Variants in KCND3 observed in about 807,000 individuals in gnomAD.
KCND3 encodes the protein A-type voltage-gated potassium channel KCND3.
Under a neutral mutation model 51.1 loss-of-function variants are expected in KCND3, and 9 were observed. The observed-to-expected ratio is 0.18, with a 90% CI of 0.11 to 0.31. KCND3 has a LOEUF of 0.31. Ranked by LOEUF, KCND3 falls within the 10% of genes least tolerant of loss-of-function variation. KCND3 has a pLI of 1.00. For synonymous variants in KCND3, 349 were observed against 368.0 expected (o/e 0.95, Z 0.59); for missense variants, 526 against 903.8 (o/e 0.58, Z 5.36).
chr1:111,820,336 C>T (rs1362970589), intron 2 of KCND3, among the ~76,000 whole-genome samples: 2 of 152,208 alleles, frequency 1.3e-5, no homozygotes, highest in Non-Finnish European at 2.9e-5. Flanking sequence ...TAATCTTATT[C>T]CTTACAATCT....
intron 2 of KCND3, among the ~76,000 whole-genome samples, chr1:111,908,319 AT>A: frequency 6.6e-6 from 1 of 152,340 alleles, no homozygotes; most frequent in African/African-American, 2.4e-5. Context: ...GAGAGGCAAA[AT>A]AACTTGCTTC....
chr1:111,865,785 G>C (rs1668533412), intron 2 of KCND3, among the ~76,000 whole-genome samples: 2 of 152,168 alleles, frequency 1.3e-5, no homozygotes, highest in African/African-American at 4.8e-5. Flanking sequence ...GCTCCCTGCA[G>C]CCTCTACGTC....
At chr1:111,967,780 A>G (rs1674089919) in intron 2 of KCND3, among the ~76,000 whole-genome samples, 2 of 152,206 alleles carry the variant, frequency 1.3e-5, no homozygotes, top group South Asian at 2.1e-4. Context: ...TGGCTAGTAG[A>G]TGAGAATTCA....
At chr1:111,947,026 T>C (rs1278535737) in intron 2 of KCND3, among the ~76,000 whole-genome samples, 1 of 152,216 alleles carries the variant, frequency 6.6e-6, no homozygotes, top group African/African-American at 2.4e-5. Flanking sequence ...AGTGAGTCTC[T>C]TGTAGGCTGC....
chr1:111,891,981 TGTG>T lies in KCND3; in HGVS notation c.1106+89637_1106+89639del. On this transcript the variant is annotated intron_variant, in intron 2 of 7. Transcript: ENST00000302127. The stretch of plus-strand genomic sequence containing the variant: ...GTGCGTGTGTGTCTGTGTGTGTGTC[TGTG>T]TGTGTGTGTGTGTGTGTTGGAGGAG... Among the ~76,000 whole-genome samples, 5 of 31,584 alleles carry T rather than the reference TGTG, an allele frequency of 1.6e-4. No individual in the cohort carries two copies. In the East Asian group the frequency reaches 0.13, roughly 842 times the overall value. The allele number at this position is 31,584 out of a possible 152,430, so 20.7% of individuals were successfully genotyped here. A position where few individuals can be genotyped will look rare whatever the true frequency, so the allele number is the denominator to read the frequency against.
chr1:111,945,481 C>T (rs1210421398), intron 2 of KCND3, among the ~76,000 whole-genome samples: 2 of 152,196 alleles, frequency 1.3e-5, no homozygotes, highest in Non-Finnish European at 2.9e-5. Context: ...TTAACCCTCA[C>T]AACAATCCCA....
intron 2 of KCND3, among the ~76,000 whole-genome samples, chr1:111,816,363 G>A (rs1160669863): frequency 6.6e-6 from 1 of 152,248 alleles, no homozygotes; most frequent in Non-Finnish European, 1.5e-5. Flanking sequence ...GGAGTGAACT[G>A]ACTCAGACTC....
intron 2 of KCND3, among the ~76,000 whole-genome samples, chr1:111,930,860 T>C (rs551963326): frequency 4.8e-4 from 73 of 152,188 alleles, no homozygotes; most frequent in Non-Finnish European, 9.1e-4. Flanking sequence ...GGGAGGCCAC[T>C]GGAGGGCACA....
chr1:111,942,734 G>A (rs984402836), intron 2 of KCND3, among the ~76,000 whole-genome samples: 1 of 152,184 alleles, frequency 6.6e-6, no homozygotes, highest in Non-Finnish European at 1.5e-5. Context: ...GGTGAGATGT[G>A]TTAGGGAGAA....
chr1:111,845,842 T>C (rs1230149344), intron 2 of KCND3, among the ~76,000 whole-genome samples: 3 of 152,206 alleles, frequency 2.0e-5, no homozygotes, highest in Non-Finnish European at 2.9e-5. Context: ...TCTTACCCAC[T>C]AACCCCACTG....
intron 2 of KCND3, among the ~76,000 whole-genome samples, chr1:111,836,198 C>T (rs1481222735): frequency 1.3e-5 from 2 of 152,190 alleles, no homozygotes; most frequent in East Asian, 1.9e-4. Context: ...AACATGAATC[C>T]TGAAGAACCA....
chr1:111,868,532 T>C (rs1668685289), intron 2 of KCND3, among the ~76,000 whole-genome samples: 1 of 152,194 alleles, frequency 6.6e-6, no homozygotes, highest in Non-Finnish European at 1.5e-5. Context: ...CTGGGGGTCT[T>C]GGAATGTATC....
chr1:111,778,096 A>G (rs1375119359), intron 6 of KCND3, among the ~76,000 whole-genome samples: 2 of 152,242 alleles, frequency 1.3e-5, no homozygotes, highest in Non-Finnish European at 2.9e-5. Context: ...GGGAAAGACC[A>G]GCCTGGCGGC....
intron 2 of KCND3, among the ~76,000 whole-genome samples, chr1:111,876,757 A>AG (rs1373381445): frequency 6.6e-6 from 1 of 152,200 alleles, no homozygotes; most frequent in African/African-American, 2.4e-5. Context: ...AGGCAAGAAG[A>AG]GGGGGGAAGA....
In KCND3 at chr1:111,787,209, A is replaced by G. The variant is rs1045665082; in HGVS notation, c.1107-103T>C. 6 of 1,239,784 alleles carry G rather than the reference A, an allele frequency of 4.8e-6. No individual in the cohort carries two copies. The African/African-American group carries it at 7.4e-5, about 15-fold the overall frequency. 76.8% of individuals were successfully genotyped at this position (1,239,784 alleles called of 1,614,324 possible). A position where few individuals can be genotyped will look rare whatever the true frequency, so the allele number is the denominator to read the frequency against. On this transcript the variant is annotated intron_variant, in intron 2 of 7. Transcript: ENST00000302127. Reference sequence around the variant, plus strand: ...CACCTGTTTATTCATTCATTCATTCAGCAATTGCTTAGAGTATCTACTATG... The same window carrying G: ...CACCTGTTTATTCATTCATTCATTCGGCAATTGCTTAGAGTATCTACTATG...
intron 2 of KCND3, among the ~76,000 whole-genome samples, chr1:111,935,311 G>A (rs190261114): frequency 6.6e-6 from 1 of 152,114 alleles, no homozygotes; most frequent in Non-Finnish European, 1.5e-5. Flanking sequence ...TTGATGGCAG[G>A]GAGCTTTCTG....
At position 111,775,829 on chromosome 1, in the gene KCND3, CCT is replaced by C; in HGVS notation, c.*246_*247del. 6.8e-6 allele frequency: 1 copy of C among 147,244 alleles called. No individual in the cohort carries two copies. The highest frequency in any genetic ancestry group is 1.5e-5 in the Non-Finnish European group (1 of 68,202). The allele number at this position is 147,244 out of a possible 1,614,324, so 9.1% of individuals were successfully genotyped here. On this transcript the variant is annotated 3_prime_UTR_variant, in exon 8 of 8. Transcript: ENST00000302127. ...CCCGGCCTATCCCCGACCCCCCCAC[CCT>C]CCCTCCCTTCCTCTGGCCCCAGTGA... is the stretch of plus-strand genomic sequence containing the variant.
intron 2 of KCND3, among the ~76,000 whole-genome samples, chr1:111,888,908 TGCTGTCTGAAGTCCCTTTGGA>T (rs994719930): frequency 5.9e-5 from 9 of 152,078 alleles, no homozygotes; most frequent in African/African-American, 2.2e-4. Context: ...AAGCCCCTCC[TGCTGTCTGAAGTCCCTTTGGA>T]GCTTATCCTC....
At chr1:111,783,167 G>C (rs1242350017) in intron 3 of KCND3, among the ~76,000 whole-genome samples, 1 of 132,656 alleles carries the variant, frequency 7.5e-6, no homozygotes, top group Non-Finnish European at 1.6e-5. Context: ...AGTTAAAAGA[G>C]AGCTTGGAGA....
Sources: allele counts gnomAD v4.1 joint callset (sites outside exome capture counted in the v4.1 genomes callset), GRCh38; gene constraint gnomAD v4.1.1; transcripts MANE v1.5; gene names NCBI Gene and HGNC (gene_info 2026-07-23, HGNC 2026-07-21).